ADAMTSL1: variants seen among roughly 807,000 people sequenced by gnomAD.
The protein encoded by ADAMTSL1 is ADAMTS-like protein 1.
Under a neutral mutation model 201.8 loss-of-function variants are expected in ADAMTSL1, and 126 were observed. That is an observed-to-expected ratio of 0.62 (90% confidence interval 0.54 to 0.72). The LOEUF is 0.72. Ranked by LOEUF, ADAMTSL1 falls within the 30% of genes least tolerant of loss-of-function variation. The probability of loss-of-function intolerance (pLI) is 0.00; values close to 1 mark genes in which losing one functional copy is unlikely to be tolerated. For synonymous variants in ADAMTSL1, 1,121 were observed against 903.4 expected, an observed-to-expected ratio of 1.24 and a Z score of -4.32; for missense variants, 2,679 against 2,277.8, an observed-to-expected ratio of 1.18 and a Z score of -3.59.
chr9:18,427,837 C>T (rs1379376624), intron 2 of ADAMTSL1, among the ~76,000 whole-genome samples: 3 of 152,206 alleles, frequency 2.0e-5, no homozygotes, highest in African/African-American at 4.8e-5. Flanking sequence ...TCAAAATGAA[C>T]GTAGAGATGA....
chr9:18,142,161 C>T (rs1353989954), intron 1 of ADAMTSL1, among the ~76,000 whole-genome samples: 4 of 152,170 alleles, frequency 2.6e-5, no homozygotes, highest in African/African-American at 9.7e-5. Flanking sequence ...TCTTTTTCTC[C>T]TGCCTGCGGT....
intron 2 of ADAMTSL1, among the ~76,000 whole-genome samples, chr9:18,405,635 GAAAA>G (rs71333041): frequency 9.3e-6 from 1 of 107,536 alleles, no homozygotes; most frequent in African/African-American, 3.1e-5. Flanking sequence ...ACAGAAGAAT[GAAAA>G]AAAAAAAAAA....
At chr9:18,604,716 C>A (rs1482910615) in intron 4 of ADAMTSL1, among the ~76,000 whole-genome samples, 2 of 152,162 alleles carry the variant, frequency 1.3e-5, no homozygotes, top group African/African-American at 4.8e-5. Flanking sequence ...CTGCTGTGAA[C>A]ATAGGCACAC....
At chr9:18,786,522 C>T (rs929681679) in intron 19 of ADAMTSL1, among the ~76,000 whole-genome samples, 10 of 152,174 alleles carry the variant, frequency 6.6e-5, no homozygotes, top group Non-Finnish European at 1.2e-4. Context: ...TTCTGCCCTT[C>T]GGACTAGCAG....
intron 7 of ADAMTSL1, among the ~76,000 whole-genome samples, chr9:18,654,568 G>C (rs1828501937): frequency 6.6e-6 from 1 of 152,188 alleles, no homozygotes; most frequent in Non-Finnish European, 1.5e-5. Flanking sequence ...GAATGTGAAG[G>C]AGAAAGATAA....
At chr9:18,090,730 T>C (rs1048454684) in intron 1 of ADAMTSL1, among the ~76,000 whole-genome samples, 6 of 152,184 alleles carry the variant, frequency 3.9e-5, no homozygotes, top group African/African-American at 1.4e-4. Context: ...CACTAAAAAA[T>C]GGTTTAAAAT....
At chr9:18,104,230 T>C (rs1241555444) in intron 1 of ADAMTSL1, among the ~76,000 whole-genome samples, 1 of 152,172 alleles carries the variant, frequency 6.6e-6, no homozygotes, top group East Asian at 1.9e-4. Context: ...TCTTCTCTGC[T>C]GAATGATCTT....
intron 2 of ADAMTSL1, among the ~76,000 whole-genome samples, chr9:18,369,479 C>T (rs2133119608): frequency 6.6e-6 from 1 of 152,226 alleles, no homozygotes; most frequent in African/African-American, 2.4e-5. Context: ...CAAAAAACAA[C>T]AAGTGTTGGT....
At chr9:17,968,744 A>G (rs1325288508) in intron 1 of ADAMTSL1, among the ~76,000 whole-genome samples, 2 of 152,154 alleles carry the variant, frequency 1.3e-5, no homozygotes, top group African/African-American at 4.8e-5. Context: ...TAAAACCAGT[A>G]TCTATGCATG....
At chr9:18,355,936 G>A (rs949563556) in intron 2 of ADAMTSL1, among the ~76,000 whole-genome samples, 39 of 152,318 alleles carry the variant, frequency 2.6e-4, no homozygotes, top group African/African-American at 8.4e-4. Flanking sequence ...AGCCAGTGAC[G>A]CCCTGCCTGG....
intron 16 of ADAMTSL1, among the ~76,000 whole-genome samples, chr9:18,769,208 G>A (rs1410820837): frequency 6.6e-6 from 1 of 152,120 alleles, no homozygotes; most frequent in Non-Finnish European, 1.5e-5. Flanking sequence ...AAACCCCATA[G>A]CCATTCTGAG....
intron 2 of ADAMTSL1, among the ~76,000 whole-genome samples, chr9:18,512,044 T>A (rs987814708): frequency 2.0e-5 from 3 of 152,204 alleles, no homozygotes; most frequent in African/African-American, 4.8e-5. Context: ...AAGAAAGATA[T>A]ACAAGTTCAG....
At chr9:18,026,804 G>T (rs1412976217) in intron 1 of ADAMTSL1, among the ~76,000 whole-genome samples, 1 of 152,034 alleles carries the variant, frequency 6.6e-6, no homozygotes, top group Non-Finnish European at 1.5e-5. Flanking sequence ...TTGAACATCT[G>T]GTAGAATTCG....
intron 13 of ADAMTSL1, among the ~76,000 whole-genome samples, chr9:18,705,414 G>T (rs995063037): frequency 1.3e-5 from 2 of 152,088 alleles, no homozygotes; most frequent in Admixed American, 1.3e-4. Flanking sequence ...CCCTCTCAAG[G>T]TCATTATAGT....
chr9:18,261,518 G>T (rs1287494545), intron 2 of ADAMTSL1, among the ~76,000 whole-genome samples: 2 of 152,134 alleles, frequency 1.3e-5, no homozygotes, highest in African/African-American at 2.4e-5. Flanking sequence ...TGGACACATT[G>T]CTCTGTCTCT....
intron 16 of ADAMTSL1, among the ~76,000 whole-genome samples, chr9:18,767,541 C>G (rs548144762): frequency 6.6e-6 from 1 of 152,248 alleles, no homozygotes; most frequent in East Asian, 1.9e-4. Flanking sequence ...ATGCAAAACA[C>G]TGTAAAACTA....
intron 17 of ADAMTSL1, among the ~76,000 whole-genome samples, chr9:18,771,589 G>T (rs534296783): frequency 6.6e-6 from 1 of 150,598 alleles, no homozygotes; most frequent in Non-Finnish European, 1.5e-5. Context: ...CTCACAAGAA[G>T]ATTTAGCCAA....
intron 23 of ADAMTSL1, among the ~76,000 whole-genome samples, chr9:18,862,672 G>C (rs1827283620): frequency 6.6e-6 from 1 of 152,178 alleles, no homozygotes; most frequent in Admixed American, 6.6e-5. Context: ...AGTATGGTAT[G>C]ACCCAAGTAT....
At chr9:18,652,068 TAAAG>T (rs981806086) in intron 7 of ADAMTSL1, among the ~76,000 whole-genome samples, 11 of 152,042 alleles carry the variant, frequency 7.2e-5, no homozygotes, top group Non-Finnish European at 1.0e-4. Flanking sequence ...CATTGAATAC[TAAAG>T]AAAGAAAGAC....
Sources: gnomAD v4.1 joint callset for allele counts (sites outside exome capture counted in the v4.1 genomes callset) on GRCh38, gnomAD v4.1.1 for gene constraint, MANE v1.5 for transcripts, NCBI Gene and HGNC (gene_info 2026-07-23, HGNC 2026-07-21) for gene names.